The following LDHC variants were observed in gnomAD, a reference collection of about 807,000 sequenced individuals.
LDHC encodes the protein lactate dehydrogenase C, also known as L-lactate dehydrogenase C chain.
A neutral mutation model predicts 30.2 loss-of-function variants in LDHC; 20 were observed. The observed-to-expected ratio is 0.66, with a 90% CI of 0.47 to 0.96. The LOEUF (loss-of-function observed/expected upper bound fraction) is 0.96. Ranked by LOEUF, LDHC falls within the 40% of genes least tolerant of loss-of-function variation. LDHC has a pLI of 0.00. For missense variants in LDHC, 362 were observed against 394.9 expected (o/e 0.92, Z 0.71); for synonymous variants, 139 against 132.7 (o/e 1.05, Z -0.32).
chr11:18,445,080 T>C (rs1172880790), intron 6 of LDHC, among the ~76,000 whole-genome samples: 1 of 152,234 alleles, frequency 6.6e-6, no homozygotes, highest in African/African-American at 2.4e-5. Flanking sequence ...TTTGAAAATG[T>C]ATCATGAATA....
At chr11:18,416,248 T>C (rs1867021499) in intron 3 of LDHC, among the ~76,000 whole-genome samples, 1 of 152,202 alleles carries the variant, frequency 6.6e-6, no homozygotes, top group Non-Finnish European at 1.5e-5. Context: ...CATTTATCCA[T>C]ATTCTTTAGT....
chr11:18,442,753 C>T (rs537185648), intron 6 of LDHC, among the ~76,000 whole-genome samples: 5 of 148,722 alleles, frequency 3.4e-5, no homozygotes, highest in African/African-American at 1.2e-4. Flanking sequence ...ACCTCCGCCT[C>T]CTGGGTTCAA....
At chr11:18,429,955 C>T in intron 4 of LDHC, 45 bp downstream of exon 4, 2 of 1,173,888 alleles carry the variant, frequency 1.7e-6, no homozygotes, top group Non-Finnish European at 2.5e-6. Context: ...ATGATCTTTC[C>T]ATACCATTCC....
intron 5 of LDHC, among the ~76,000 whole-genome samples, chr11:18,435,781 C>T (rs1047971762): frequency 2.6e-4 from 39 of 152,178 alleles, no homozygotes; most frequent in African/African-American, 8.0e-4. Flanking sequence ...ACCCTAGCCC[C>T]AGGCAACCAC....
At chr11:18,444,061 G>A (rs1372780304) in intron 6 of LDHC, among the ~76,000 whole-genome samples, 2 of 152,108 alleles carry the variant, frequency 1.3e-5, no homozygotes, top group Non-Finnish European at 2.9e-5. Context: ...AATTGCAGAG[G>A]AATGACATCA....
Position 18,437,645 on chromosome 11 carries a change from G to A in LDHC, c.593-883G>A, listed in dbSNP as rs867070554. On this transcript the variant is annotated intron_variant, in intron 5 of 7. Coordinates refer to ENST00000541669, the MANE Select transcript of LDHC (RefSeq NM_017448.5). ...TGGGCACCTGTAGTCCCAGTGACTC[G>A]GGAGGCTGAGGCGGGAGAATGGCGT... 2.8e-4 allele frequency among the ~76,000 whole-genome samples: 43 copies of A among 152,090 alleles called. 1 individual carries two copies. Among genetic ancestry groups the A allele is most frequent in the African/African-American group, 1.0e-3 (42 of 41,484 alleles).
intron 5 of LDHC, among the ~76,000 whole-genome samples, chr11:18,436,684 C>T (rs749688532): frequency 1.3e-5 from 2 of 151,868 alleles, no homozygotes; most frequent in Non-Finnish European, 2.9e-5. Flanking sequence ...CAGGGTTTCT[C>T]CATGTTGGTC....
intron 5 of LDHC, among the ~76,000 whole-genome samples, chr11:18,436,492 T>TG (rs969039040): frequency 1.4e-5 from 2 of 146,958 alleles, no homozygotes; most frequent in African/African-American, 2.5e-5. Context: ...TTTTTTTTTT[T>TG]TTTTTTTTTT....
At chr11:18,446,831 G>A (rs35593189) in intron 7 of LDHC, among the ~76,000 whole-genome samples, 20,734 of 152,200 alleles carry the variant, frequency 0.14, 1,508 homozygotes, top group Middle Eastern at 0.2. Flanking sequence ...AACCACTTGC[G>A]TAGACTGAGG....
At chr11:18,412,614 C>G in intron 1 of LDHC, 95 bp from the exon 2 acceptor site, 3 of 1,154,148 alleles carry the variant, frequency 2.6e-6, no homozygotes, top group Admixed American at 4.3e-5. Flanking sequence ...CTTTGGCTTC[C>G]CCCCATCCCC....
Position 18,439,828 on chromosome 11 carries a change from A to AC in LDHC, c.710+1183_710+1184insC, listed in dbSNP as rs1290688256. On this transcript the variant is annotated intron_variant, in intron 6 of 7. Transcript: ENST00000541669. Reference sequence around the variant, plus strand: ...GTCTCTACTAAAAAAAAAAAAAAAAAAAAAAAAACAAAAATTAGCCAGCTG... The same window carrying AC: ...GTCTCTACTAAAAAAAAAAAAAAAAACAAAAAAAACAAAAATTAGCCAGCTG... Among the ~76,000 whole-genome samples, 36 of 144,940 alleles carry AC rather than the reference A, an allele frequency of 2.5e-4. 1 individual carries two copies. Among genetic ancestry groups the AC allele is most frequent in the African/African-American group, 8.6e-4 (34 of 39,532 alleles).
chr11:18,444,188 C>G (rs1848511507), intron 6 of LDHC, among the ~76,000 whole-genome samples: 1 of 152,146 alleles, frequency 6.6e-6, no homozygotes, highest in Admixed American at 6.6e-5. Flanking sequence ...TCCCTTTACC[C>G]TTTCTTTTAC....
intron 3 of LDHC, among the ~76,000 whole-genome samples, chr11:18,425,521 C>T (rs1365744646): frequency 1.3e-5 from 2 of 151,906 alleles, no homozygotes; most frequent in African/African-American, 4.8e-5. Context: ...GCTGGGATTA[C>T]AGGTGTGAGC....
intron 3 of LDHC, among the ~76,000 whole-genome samples, chr11:18,428,812 T>C (rs892405262): frequency 6.6e-6 from 1 of 151,120 alleles, no homozygotes; most frequent in African/African-American, 2.4e-5. Context: ...GTGGCAGACG[T>C]TGCAGTGAGC....
intron 4 of LDHC, among the ~76,000 whole-genome samples, chr11:18,432,094 G>T (rs1383543517): frequency 6.6e-6 from 1 of 152,028 alleles, no homozygotes; most frequent in African/African-American, 2.4e-5. Flanking sequence ...TTTGATGTAG[G>T]CATTTAGGGC....
At chr11:18,439,315 C>T (rs186572892) in intron 6 of LDHC, among the ~76,000 whole-genome samples, 25 of 152,034 alleles carry the variant, frequency 1.6e-4, no homozygotes, top group South Asian at 6.2e-4. Context: ...GTAATTCCAG[C>T]GCTTTGGGAG....
chr11:18,434,669 T>C (rs917794859), intron 4 of LDHC, 71 bp from the exon 5 acceptor site: 5 of 803,144 alleles, frequency 6.2e-6, no homozygotes, highest in Non-Finnish European at 1.1e-5. Flanking sequence ...AATTCATCTA[T>C]GTATTCAGGA....
intron 3 of LDHC, among the ~76,000 whole-genome samples, chr11:18,426,511 A>C (rs1200480621): frequency 7.3e-6 from 1 of 136,074 alleles, no homozygotes; most frequent in African/African-American, 2.8e-5. Context: ...TGGGCAACAG[A>C]GCAAGACTCC....
chr11:18,434,507 C>T (rs2134062370), intron 4 of LDHC, among the ~76,000 whole-genome samples: 1 of 152,226 alleles, frequency 6.6e-6, no homozygotes, highest in Non-Finnish European at 1.5e-5. Flanking sequence ...GAGACAGTTT[C>T]ACCATATTGG....
Sources: gnomAD v4.1 joint callset for allele counts (sites outside exome capture counted in the v4.1 genomes callset) on GRCh38, gnomAD v4.1.1 for gene constraint, MANE v1.5 for transcripts, NCBI Gene and HGNC (gene_info 2026-07-23, HGNC 2026-07-21) for gene names.